The following CELF2 variants were observed in gnomAD, a reference collection of about 807,000 sequenced individuals.
CELF2 encodes the protein CUGBP Elav-like family member 2.
In CELF2, 8 loss-of-function variants were observed where a neutral mutation model predicts 62.6. That is an observed-to-expected ratio of 0.13 (90% confidence interval 0.07 to 0.23). CELF2 has a LOEUF of 0.23. CELF2 is among the 10% of genes least tolerant of loss of function. The pLI, the probability that CELF2 is intolerant of heterozygous loss-of-function variation, is 1.00. For synonymous variants in CELF2, 258 were observed against 250.0 expected (o/e 1.03, Z -0.30); for missense variants, 333 against 671.0 (o/e 0.50, Z 5.56).
the CELF2 span, among the ~76,000 whole-genome samples, chr10:10,694,899 T>G: frequency 6.6e-6 from 1 of 150,984 alleles, no homozygotes; most frequent in African/African-American, 2.4e-5. Flanking sequence ...TTTGAGCCTA[T>G]GTGTGTCTCT....
At chr10:11,208,474 G>A (rs1367035881) in intron 2 of CELF2, among the ~76,000 whole-genome samples, 2 of 152,170 alleles carry the variant, frequency 1.3e-5, no homozygotes, top group African/African-American at 4.8e-5. Context: ...GGACAAAAAG[G>A]ACATGACGTA....
At chr10:10,757,052 G>A in the CELF2 span, among the ~76,000 whole-genome samples, 1 of 152,114 alleles carries the variant, frequency 6.6e-6, no homozygotes, top group Non-Finnish European at 1.5e-5. Flanking sequence ...TGAGGCAGGA[G>A]AATTGCTTGA....
intron 1 of CELF2, among the ~76,000 whole-genome samples, chr10:11,042,421 A>G (rs1287294917): frequency 1.3e-5 from 2 of 152,176 alleles, no homozygotes; most frequent in African/African-American, 4.8e-5. Context: ...GAAGACTCAC[A>G]TTGATGTTTC....
intron 3 of CELF2, among the ~76,000 whole-genome samples, chr10:11,245,792 T>C (rs1296786984): frequency 6.6e-6 from 1 of 152,218 alleles, no homozygotes; most frequent in Non-Finnish European, 1.5e-5. Flanking sequence ...CAGGTGCCTT[T>C]AGACGAGTGT....
At chr10:10,755,511 T>C in the CELF2 span, among the ~76,000 whole-genome samples, 1 of 152,154 alleles carries the variant, frequency 6.6e-6, no homozygotes, top group Non-Finnish European at 1.5e-5. Flanking sequence ...ATGGCTCTGC[T>C]CTCCTGCGTC....
the CELF2 span, among the ~76,000 whole-genome samples, chr10:10,774,585 C>T: frequency 3.1e-4 from 47 of 152,346 alleles, no homozygotes; most frequent in African/African-American, 1.1e-3. Flanking sequence ...GCTGGCTTCC[C>T]CTTGCCTTCC....
At chr10:10,874,740 A>G (rs1280658627) in intron 1 of CELF2, among the ~76,000 whole-genome samples, 1 of 152,196 alleles carries the variant, frequency 6.6e-6, no homozygotes. Context: ...TAAAAATAAT[A>G]TATATTGGAA....
At chr10:10,815,737 C>T (rs771119555) in intron 1 of CELF2, among the ~76,000 whole-genome samples, 11 of 152,086 alleles carry the variant, frequency 7.2e-5, no homozygotes, top group South Asian at 6.2e-4. Flanking sequence ...CTTTTGCATA[C>T]GTTCTGTGGA....
intron 1 of CELF2, among the ~76,000 whole-genome samples, chr10:11,077,789 A>G (rs1164755150): frequency 6.6e-6 from 1 of 152,204 alleles, no homozygotes; most frequent in Non-Finnish European, 1.5e-5. Flanking sequence ...GCACATAAAC[A>G]TAAAATTAAT....
the CELF2 span, among the ~76,000 whole-genome samples, chr10:10,554,879 A>G: frequency 2.6e-5 from 4 of 152,206 alleles, no homozygotes; most frequent in African/African-American, 9.6e-5. Flanking sequence ...TATAAGGTGT[A>G]AGATGCAAAT....
chr10:10,880,605 T>C (rs1228544532), intron 1 of CELF2, among the ~76,000 whole-genome samples: 2 of 152,068 alleles, frequency 1.3e-5, no homozygotes, highest in Admixed American at 6.6e-5. Context: ...GCATATGGAT[T>C]TTACAGGAAG....
At chr10:11,106,207 T>TTTTATTTG (rs2053429514) in intron 1 of CELF2, among the ~76,000 whole-genome samples, 1 of 140,440 alleles carries the variant, frequency 7.1e-6, no homozygotes, top group Non-Finnish European at 1.5e-5. Context: ...TTTTACTTTA[T>TTTTATTTG]TTTATTTATT....
chr10:11,190,531 C>G (rs1036304599), intron 2 of CELF2, among the ~76,000 whole-genome samples: 1 of 151,594 alleles, frequency 6.6e-6, no homozygotes, highest in Admixed American at 6.6e-5. Flanking sequence ...TTCCCACAAC[C>G]AAGCATGGTA....
intron 1 of CELF2, among the ~76,000 whole-genome samples, chr10:11,090,615 G>C (rs1453434552): frequency 1.3e-5 from 2 of 152,044 alleles, no homozygotes; most frequent in African/African-American, 4.8e-5. Context: ...AAAAATTAGA[G>C]GCAGCCTAAA....
chr10:10,648,457 A>G, the CELF2 span, among the ~76,000 whole-genome samples: 11 of 152,342 alleles, frequency 7.2e-5, no homozygotes, highest in South Asian at 2.1e-4. Flanking sequence ...ATGCATACTT[A>G]TCGCTCACTA....
chr10:10,847,271 CA>C (rs1199821096), intron 1 of CELF2, among the ~76,000 whole-genome samples: 1 of 152,020 alleles, frequency 6.6e-6, no homozygotes. Context: ...ACATTAGGTG[CA>C]AAGAAACCTG....
At chr10:10,809,550 C>A (rs1346283558) in intron 1 of CELF2, among the ~76,000 whole-genome samples, 3 of 152,196 alleles carry the variant, frequency 2.0e-5, no homozygotes, top group Non-Finnish European at 2.9e-5. Context: ...TAATAATCTT[C>A]AGACACTCTA....
rs575763038 is a variant in CELF2, at chr10:11,333,381, G to A, written c.*4328G>A. 3 of 152,666 alleles carry A rather than the reference G, an allele frequency of 2.0e-5. No homozygotes were observed. Among genetic ancestry groups the A allele is most frequent in the East Asian group, 1.9e-4 (1 of 5,180 alleles). The allele number at this position is 152,666 out of a possible 1,614,324, so 9.5% of individuals were successfully genotyped here. ...GGGAAACCGCTTTTTTTAATCAATT[G>A]TAGAGAATAGTCATTTTTAATCTAA... On this transcript the variant is annotated 3_prime_UTR_variant, in exon 13 of 13. Transcript: ENST00000633077.
At chr10:10,609,398 A>G in the CELF2 span, among the ~76,000 whole-genome samples, 1 of 152,194 alleles carries the variant, frequency 6.6e-6, no homozygotes, top group Admixed American at 6.5e-5. Context: ...ATTGTGTGCA[A>G]CATAGAAAAT....
Sources: gnomAD v4.1 joint callset for allele counts (sites outside exome capture counted in the v4.1 genomes callset) on GRCh38, gnomAD v4.1.1 for gene constraint, MANE v1.5 for transcripts, NCBI Gene and HGNC (gene_info 2026-07-23, HGNC 2026-07-21) for gene names.